Variants in NBAS observed in about 807,000 individuals in gnomAD.
The protein encoded by NBAS is NAG/BC035112 fusion.
Under a neutral mutation model 302.5 loss-of-function variants are expected in NBAS, and 219 were observed. That is an observed-to-expected ratio of 0.72 (90% CI 0.65 to 0.81). The LOEUF (loss-of-function observed/expected upper bound fraction) is 0.81. Among genes scored for constraint, NBAS ranks in the 30% least tolerant of loss-of-function variants. NBAS has a pLI of 0.00. For synonymous variants in NBAS, 1,118 were observed against 1,021.6 expected, an observed-to-expected ratio of 1.09 and a Z score of -1.80; for missense variants, 2,932 against 2,841.6, an observed-to-expected ratio of 1.03 and a Z score of -0.72.
At chr2:15,330,269 G>A (rs1176825105) in intron 36 of NBAS, among the ~76,000 whole-genome samples, 6 of 152,110 alleles carry the variant, frequency 3.9e-5, no homozygotes, top group African/African-American at 1.2e-4. Flanking sequence ...GTCTGCCTCC[G>A]AGCACTCTTC....
At chr2:15,374,285 T>C (rs1020447585) in intron 31 of NBAS, among the ~76,000 whole-genome samples, 1 of 152,204 alleles carries the variant, frequency 6.6e-6, no homozygotes, top group Non-Finnish European at 1.5e-5. Flanking sequence ...AAAACTGATA[T>C]AAATCTGATA....
the NBAS span, among the ~76,000 whole-genome samples, chr2:15,079,700 T>G: frequency 3.1e-4 from 47 of 152,160 alleles, no homozygotes; most frequent in Middle Eastern, 3.2e-3. Flanking sequence ...TCTTGGAAGA[T>G]GTCCCCTTTC....
intron 24 of NBAS, among the ~76,000 whole-genome samples, chr2:15,416,053 C>T (rs1231682793): frequency 2.6e-5 from 4 of 151,840 alleles, no homozygotes; most frequent in Admixed American, 2.0e-4. Context: ...GTCATGAGGT[C>T]ATCCAGAGCA....
At chr2:14,918,436 T>C in the NBAS span, among the ~76,000 whole-genome samples, 1 of 151,948 alleles carries the variant, frequency 6.6e-6, no homozygotes, top group African/African-American at 2.4e-5. Context: ...GGAAAGGAGA[T>C]GTTTGGTTTG....
chr2:15,390,075 A>C (rs1200112744), intron 28 of NBAS, among the ~76,000 whole-genome samples: 1 of 152,346 alleles, frequency 6.6e-6, no homozygotes, highest in East Asian at 1.9e-4. Context: ...TATTCAGACA[A>C]GTAGAAGCCA....
the NBAS span, among the ~76,000 whole-genome samples, chr2:14,863,533 G>A: frequency 7.3e-3 from 1,115 of 152,286 alleles, 12 homozygotes; most frequent in African/African-American, 0.025. Context: ...GTAGAATGTC[G>A]TAAGGTTGGT....
the NBAS span, among the ~76,000 whole-genome samples, chr2:14,885,518 T>C: frequency 6.6e-6 from 1 of 152,158 alleles, no homozygotes; most frequent in African/African-American, 2.4e-5. Context: ...TAAACAGCAG[T>C]AGGATTTACG....
chr2:14,980,249 G>T, the NBAS span, among the ~76,000 whole-genome samples: 18 of 152,112 alleles, frequency 1.2e-4, no homozygotes, highest in Non-Finnish European at 1.9e-4. Flanking sequence ...ACCCTGAGCA[G>T]CCAGGCAAAG....
the NBAS span, among the ~76,000 whole-genome samples, chr2:14,832,588 A>G: frequency 3.3e-5 from 5 of 152,160 alleles, no homozygotes; most frequent in Non-Finnish European, 5.9e-5. Flanking sequence ...CAATGATCCC[A>G]GCCTCCTGGG....
chr2:15,509,670 T>G (rs748981368), intron 10 of NBAS, among the ~76,000 whole-genome samples: 9 of 152,256 alleles, frequency 5.9e-5, no homozygotes, highest in African/African-American at 2.2e-4. Context: ...AATAGTTTGT[T>G]GTTTTAGAAC....
chr2:15,023,325 C>T, the NBAS span, among the ~76,000 whole-genome samples: 3 of 152,082 alleles, frequency 2.0e-5, no homozygotes, highest in Non-Finnish European at 2.9e-5. Context: ...TAGGTACTCA[C>T]TTTGCTCACT....
At chr2:14,882,039 G>T in the NBAS span, among the ~76,000 whole-genome samples, 5 of 152,050 alleles carry the variant, frequency 3.3e-5, no homozygotes, top group South Asian at 8.3e-4. Context: ...GGAGAAGAAA[G>T]AAAAGAGAAA....
At chr2:14,969,607 C>T in the NBAS span, among the ~76,000 whole-genome samples, 1 of 152,128 alleles carries the variant, frequency 6.6e-6, no homozygotes, top group South Asian at 2.1e-4. Context: ...AAACTCCTGA[C>T]CGCAGGTGAT....
chr2:15,206,481 A>G (rs560171354), intron 48 of NBAS, among the ~76,000 whole-genome samples: 159 of 152,254 alleles, frequency 1.0e-3, no homozygotes, highest in African/African-American at 3.6e-3. Flanking sequence ...AAACTTGCAT[A>G]AGTAAAGAGA....
At chr2:15,537,675 T>C (rs188505381) in intron 7 of NBAS, among the ~76,000 whole-genome samples, 118 of 152,260 alleles carry the variant, frequency 7.7e-4, no homozygotes, top group African/African-American at 2.6e-3. Context: ...TACACCACTG[T>C]GCTCCAGCCT....
chr2:14,893,135 C>A, the NBAS span, among the ~76,000 whole-genome samples: 1 of 152,118 alleles, frequency 6.6e-6, no homozygotes, highest in African/African-American at 2.4e-5. Context: ...CAGTTTTGGT[C>A]ATTTACATTT....
chr2:14,924,665 A>G, the NBAS span, among the ~76,000 whole-genome samples: 1 of 152,162 alleles, frequency 6.6e-6, no homozygotes, highest in Non-Finnish European at 1.5e-5. Context: ...GCCAAGAAAA[A>G]CAACCTCCTG....
intron 11 of NBAS, among the ~76,000 whole-genome samples, chr2:15,494,141 TA>T (rs1187726325): frequency 2.0e-5 from 3 of 152,198 alleles, no homozygotes; most frequent in Non-Finnish European, 4.4e-5. Flanking sequence ...TCACTTTGGT[TA>T]AAGTAAGTCT....
At chr2:15,052,739 T>C in the NBAS span, among the ~76,000 whole-genome samples, 1 of 152,230 alleles carries the variant, frequency 6.6e-6, no homozygotes, top group Admixed American at 6.6e-5. Flanking sequence ...ATAAGTTGCA[T>C]ATTAAAAATA....
Sources: gnomAD v4.1 joint callset for allele counts (sites outside exome capture counted in the v4.1 genomes callset) on GRCh38, gnomAD v4.1.1 for gene constraint, MANE v1.5 for transcripts, NCBI Gene and HGNC (gene_info 2026-07-23, HGNC 2026-07-21) for gene names.